The following B4GALT4 variants were observed in gnomAD, a reference collection of about 807,000 sequenced individuals.
The protein encoded by B4GALT4 is N-acetyllactosamine synthase.
Under a neutral mutation model 37.3 loss-of-function variants are expected in B4GALT4, and 27 were observed. That is an observed-to-expected ratio of 0.72 (90% CI 0.53 to 1.00). The LOEUF is 1.00. B4GALT4 is among the 50% of genes least tolerant of loss of function. B4GALT4 has a pLI of 0.00. For synonymous variants in B4GALT4, 148 were observed against 154.1 expected (o/e 0.96, Z 0.29); for missense variants, 372 against 413.1 (o/e 0.90, Z 0.86).
intron 6 of B4GALT4, among the ~76,000 whole-genome samples, chr3:119,217,639 G>A (rs1452431229): frequency 6.6e-6 from 1 of 152,044 alleles, no homozygotes; most frequent in Non-Finnish European, 1.5e-5. Flanking sequence ...TCAGGAGTTC[G>A]AGATCAGCCT....
chr3:119,220,905 G>A lies in B4GALT4; in HGVS notation c.675-2133C>T, dbSNP rs377611009. Among the ~76,000 whole-genome samples, 23 of 151,732 alleles carry A rather than the reference G, an allele frequency of 1.5e-4. No homozygotes were observed. In the East Asian group the frequency reaches 4.5e-3, roughly 30 times the overall value. On this transcript the variant is annotated intron_variant, in intron 5 of 7. Transcript: ENST00000393765. ...GGAGGCTGAGTCAGGAGAATCCCTT[G>A]AACCCGGGAGGTGGAAGTTCCAGTG... is the stretch of plus-strand genomic sequence containing the variant.
chr3:119,236,818 T>C (rs1332362271), intron 2 of B4GALT4, 35 bp downstream of exon 2: 1 of 152,250 alleles, frequency 6.6e-6, no homozygotes, highest in Non-Finnish European at 1.5e-5. Context: ...TTCAGTTCAC[T>C]AATATCAACA....
chr3:119,238,651 A>G (rs1056877620), intron 1 of B4GALT4, among the ~76,000 whole-genome samples: 5 of 152,194 alleles, frequency 3.3e-5, no homozygotes, highest in African/African-American at 4.8e-5. Flanking sequence ...TGCCTAACTT[A>G]TAAGTTATAC....
chr3:119,234,116 G>GTT (rs373341157), intron 2 of B4GALT4, among the ~76,000 whole-genome samples: 9,000 of 148,084 alleles, frequency 0.061, 315 homozygotes, highest in African/African-American at 0.11. Context: ...CAGGACACAA[G>GTT]TTTTTTTTTT....
Position 119,218,723 on chromosome 3 carries a change from GC to G in B4GALT4, c.723del (p.Glu241AspfsTer6), listed in dbSNP as rs779733987. 5.0e-6 allele frequency: 8 copies of G among 1,613,996 alleles called. No individual in the cohort carries two copies. The highest frequency in any genetic ancestry group is 2.7e-5 in the African/African-American group (2 of 74,904). On this transcript the variant is annotated frameshift_variant, in exon 6 of 8. Coordinates refer to ENST00000393765, the MANE Select transcript of B4GALT4 (RefSeq NM_003778.4). LOFTEE classifies it high-confidence loss of function. ...GAGAATCCATTCACCTTGAAAAACT[GC>G]TCTCTGCTTAGGGCAGTAACACCCC... ...YFGGVTALSR[E>X]QFFKVNGFSN... is the part of the protein sequence containing the mutation.
At chr3:119,231,845 AT>A (rs1450925588) in intron 2 of B4GALT4, among the ~76,000 whole-genome samples, 1 of 147,124 alleles carries the variant, frequency 6.8e-6, no homozygotes, top group Admixed American at 6.8e-5. Flanking sequence ...TATTTTTAGA[AT>A]TTTTAATATA....
At chr3:119,213,830 T>C (rs1008044490) in intron 7 of B4GALT4, 2 of 152,216 alleles carry the variant, frequency 1.3e-5, no homozygotes, top group Non-Finnish European at 2.9e-5. Context: ...AATGCATACC[T>C]ATGGACAATG....
intron 5 of B4GALT4, among the ~76,000 whole-genome samples, chr3:119,219,935 C>G (rs903330879): frequency 1.3e-5 from 2 of 152,118 alleles, no homozygotes; most frequent in East Asian, 3.9e-4. Flanking sequence ...TGTTCCAGGA[C>G]CGATAAAATA....
intron 5 of B4GALT4, among the ~76,000 whole-genome samples, chr3:119,220,679 A>T (rs1553746644): frequency 6.6e-6 from 1 of 152,134 alleles, no homozygotes; most frequent in Non-Finnish European, 1.5e-5. Flanking sequence ...GGGGAGGGGC[A>T]GAAGAAGACA....
At chr3:119,227,114 T>C (rs2078645129) in intron 3 of B4GALT4, 73 bp from the exon 4 acceptor site, 29 of 1,336,656 alleles carry the variant, frequency 2.2e-5, no homozygotes, top group Non-Finnish European at 3.0e-5. Flanking sequence ...CGAGCTAATA[T>C]GCATAGAAAG....
At chr3:119,239,535 C>T (rs143999002) in intron 1 of B4GALT4, among the ~76,000 whole-genome samples, 1 of 152,214 alleles carries the variant, frequency 6.6e-6, no homozygotes, top group East Asian at 1.9e-4. Flanking sequence ...AAAAGGCAGG[C>T]ATTACTATTA....
At chr3:119,217,216 A>C (rs1178370998) in intron 6 of B4GALT4, among the ~76,000 whole-genome samples, 1 of 152,244 alleles carries the variant, frequency 6.6e-6, no homozygotes, top group African/African-American at 2.4e-5. Flanking sequence ...ACCCCAGTGA[A>C]GTACATTTAG....
intron 6 of B4GALT4, among the ~76,000 whole-genome samples, chr3:119,217,091 C>G (rs2078312910): frequency 2.0e-5 from 3 of 152,184 alleles, no homozygotes; most frequent in Admixed American, 2.0e-4. Flanking sequence ...TTCTGAAGGC[C>G]ATGATGGTCT....
At chr3:119,228,066 T>C (rs1472816959) in intron 3 of B4GALT4, among the ~76,000 whole-genome samples, 2 of 152,096 alleles carry the variant, frequency 1.3e-5, no homozygotes, top group Non-Finnish European at 2.9e-5. Context: ...CAGTAAGGAA[T>C]GGAGTTACAC....
intron 3 of B4GALT4, among the ~76,000 whole-genome samples, chr3:119,229,530 A>G (rs1044122752): frequency 3.3e-5 from 5 of 152,244 alleles, no homozygotes; most frequent in Admixed American, 3.3e-4. Flanking sequence ...TAATGTGTAG[A>G]GTTAGAATCT....
Position 119,240,856 on chromosome 3 carries a change from G to A in B4GALT4, c.-370C>T, listed in dbSNP as rs1315658548. On this transcript the variant is annotated 5_prime_UTR_variant, in exon 1 of 8. Coordinates refer to ENST00000393765, the MANE Select transcript of B4GALT4 (RefSeq NM_003778.4). Reference sequence around the variant, plus strand: ...GCGGAGCCAGCGTACTCACCCCGGAGGCGGCCGCGGCGAGCTAGCACTGCC... The same window carrying A: ...GCGGAGCCAGCGTACTCACCCCGGAAGCGGCCGCGGCGAGCTAGCACTGCC... The A allele has an allele frequency of 6.6e-6, 1 of 152,268 alleles. No individual in the cohort carries two copies. Among genetic ancestry groups the A allele is most frequent in the Non-Finnish European group, 1.5e-5 (1 of 68,066 alleles). The allele number at this position is 152,268 out of a possible 1,614,324, so 9.4% of individuals were successfully genotyped here. A position where few individuals can be genotyped will look rare whatever the true frequency, so the allele number is the denominator to read the frequency against.
At chr3:119,214,482 C>T (rs966500303) in intron 7 of B4GALT4, 8 of 152,324 alleles carry the variant, frequency 5.3e-5, no homozygotes, top group Admixed American at 4.6e-4. Context: ...CATTTCATCA[C>T]AGCAGAGCAC....
At chr3:119,223,317 A>G (rs1559921594) in intron 5 of B4GALT4, among the ~76,000 whole-genome samples, 1 of 152,266 alleles carries the variant, frequency 6.6e-6, no homozygotes, top group Non-Finnish European at 1.5e-5. Flanking sequence ...ATGAGCACCC[A>G]TGAACAGCAG....
intron 2 of B4GALT4, among the ~76,000 whole-genome samples, chr3:119,230,573 T>A (rs2078779037): frequency 6.6e-6 from 1 of 152,220 alleles, no homozygotes; most frequent in African/African-American, 2.4e-5. Context: ...ATAGCCCTAA[T>A]GGTTCTCTGC....
Sources: allele counts gnomAD v4.1 joint callset (sites outside exome capture counted in the v4.1 genomes callset), GRCh38; gene constraint gnomAD v4.1.1; transcripts MANE v1.5; gene names NCBI Gene and HGNC (gene_info 2026-07-23, HGNC 2026-07-21).